The following RBFOX1 variants were observed in gnomAD, a reference collection of about 807,000 sequenced individuals.
The protein encoded by RBFOX1 is RNA binding protein fox-1 homolog 1.
In RBFOX1, 8 loss-of-function variants were observed where a neutral mutation model predicts 57.7. The ratio of observed to expected loss-of-function variants is 0.14; its 90% CI spans 0.08 to 0.25. The LOEUF is 0.25. RBFOX1 is among the 10% of genes least tolerant of loss of function. RBFOX1 has a pLI of 1.00. For synonymous variants in RBFOX1, 326 were observed against 222.4 expected, an observed-to-expected ratio of 1.47 and a Z score of -4.15; for missense variants, 611 against 548.5, an observed-to-expected ratio of 1.11 and a Z score of -1.14.
At chr16:7,443,094 C>T (rs1050954882) in intron 4 of RBFOX1, among the ~76,000 whole-genome samples, 7 of 152,198 alleles carry the variant, frequency 4.6e-5, no homozygotes, top group African/African-American at 1.7e-4. Flanking sequence ...CACGAGAACA[C>T]TCTTACCAAG....
intron 3 of RBFOX1, among the ~76,000 whole-genome samples, chr16:6,892,843 G>C (rs9940616): frequency 0.79 from 112,387 of 142,158 alleles, 45,030 homozygotes; most frequent in African/African-American, 0.94. Flanking sequence ...GCTTCAGGGT[G>C]TTCTGTGCCC....
At chr16:6,660,689 A>G (rs1325906516) in intron 3 of RBFOX1, among the ~76,000 whole-genome samples, 1 of 152,230 alleles carries the variant, frequency 6.6e-6, no homozygotes, top group Non-Finnish European at 1.5e-5. Context: ...GGCTTGAGAA[A>G]TTCATAATAC....
Position 6,623,180 on chromosome 16 carries a change from A to G in RBFOX1, c.-63-31423A>G, listed in dbSNP as rs1033338098. Among the ~76,000 whole-genome samples the G allele has an allele frequency of 1.1e-4, 17 of 152,270 alleles. 1 individual carries two copies. In the East Asian group the frequency reaches 1.5e-3, roughly 14 times the overall value. ...CAGAAGCTTACATTGTAGTAAGGCA[A>G]TATCAAAACATGCATGCAAATGAAT... On this transcript the variant is annotated intron_variant, in intron 2 of 15. Transcript: ENST00000550418.
At chr16:6,925,821 C>G (rs1407748719) in intron 3 of RBFOX1, among the ~76,000 whole-genome samples, 1 of 151,794 alleles carries the variant, frequency 6.6e-6, no homozygotes, top group African/African-American at 2.4e-5. Context: ...GCGAAATTAC[C>G]TTTGGTGAGT....
At chr16:6,017,965 G>C (rs1596413455), upstream of RBFOX1, among the ~76,000 whole-genome samples, 1 of 152,182 alleles carries the variant, frequency 6.6e-6, no homozygotes, top group South Asian at 2.1e-4. Context: ...AGTGCTCAAG[G>C]CTGGAATCTG....
chr16:6,476,958 C>G (rs1403952024), intron 2 of RBFOX1, among the ~76,000 whole-genome samples: 1 of 152,164 alleles, frequency 6.6e-6, no homozygotes, highest in Non-Finnish European at 1.5e-5. Flanking sequence ...CAAGGAACCA[C>G]TTTTTCTGCT....
intron 3 of RBFOX1, among the ~76,000 whole-genome samples, chr16:6,750,889 C>T (rs111471638): frequency 2.6e-4 from 39 of 152,200 alleles, no homozygotes; most frequent in Non-Finnish European, 5.1e-4. Context: ...GTAGAAGATA[C>T]AGTAGTGTTT....
intron 1 of RBFOX1, among the ~76,000 whole-genome samples, chr16:6,264,497 C>T (rs2097721121): frequency 6.6e-6 from 1 of 152,190 alleles, no homozygotes; most frequent in African/African-American, 2.4e-5. Context: ...GATCAGATTG[C>T]ATCAGGCCCA....
intron 1 of RBFOX1, among the ~76,000 whole-genome samples, chr16:6,209,394 A>T (rs1006313272): frequency 1.0e-4 from 1 of 9,564 alleles, no homozygotes; most frequent in Admixed American, 2.9e-3. Context: ...ATAATAAACA[A>T]AGAATGTACA....
chr16:5,526,743 C>T (rs531780386), intron 2 of RBFOX1, among the ~76,000 whole-genome samples: 3 of 152,186 alleles, frequency 2.0e-5, no homozygotes, highest in Admixed American at 2.0e-4. Flanking sequence ...CCTGCATCCA[C>T]GTACATTCTG....
chr16:6,572,089 T>A (rs2097352662), intron 2 of RBFOX1, among the ~76,000 whole-genome samples: 1 of 152,188 alleles, frequency 6.6e-6, no homozygotes, highest in Admixed American at 6.5e-5. Flanking sequence ...AATACACACT[T>A]AGCAAGCGTT....
chr16:6,087,186 A>G (rs888753736), intron 1 of RBFOX1, among the ~76,000 whole-genome samples: 1 of 152,234 alleles, frequency 6.6e-6, no homozygotes, highest in Non-Finnish European at 1.5e-5. Flanking sequence ...TTATGACGTT[A>G]GAACGCCTGC....
chr16:5,283,694 C>A (rs2063326023), intron 1 of RBFOX1, among the ~76,000 whole-genome samples: 1 of 152,162 alleles, frequency 6.6e-6, no homozygotes, highest in Admixed American at 6.5e-5. Context: ...CAATTTTCTC[C>A]CATTTGGAAT....
At chr16:6,544,173 A>C (rs546824025) in intron 2 of RBFOX1, among the ~76,000 whole-genome samples, 62 of 152,260 alleles carry the variant, frequency 4.1e-4, no homozygotes, top group African/African-American at 1.4e-3. Flanking sequence ...TGCTCATCCC[A>C]GGGGCAACAG....
chr16:6,575,308 A>G (rs180966197), intron 2 of RBFOX1, among the ~76,000 whole-genome samples: 1 of 152,088 alleles, frequency 6.6e-6, no homozygotes, highest in Non-Finnish European at 1.5e-5. Context: ...TGGTCCTTGT[A>G]TATTTATATT....
chr16:5,778,939 A>AT (rs969022082), intron 3 of RBFOX1, among the ~76,000 whole-genome samples: 10 of 151,990 alleles, frequency 6.6e-5, no homozygotes, highest in Admixed American at 3.9e-4. Flanking sequence ...AAAGCACTCA[A>AT]TTTTTTTTAT....
chr16:5,364,512 C>G (rs1352205372), intron 1 of RBFOX1, among the ~76,000 whole-genome samples: 1 of 152,208 alleles, frequency 6.6e-6, no homozygotes, highest in Non-Finnish European at 1.5e-5. Context: ...TGCAAGGGAT[C>G]TGGCAATAGG....
At chr16:6,160,333 G>A (rs1030559519) in intron 1 of RBFOX1, among the ~76,000 whole-genome samples, 4 of 152,072 alleles carry the variant, frequency 2.6e-5, no homozygotes, top group African/African-American at 9.7e-5. Flanking sequence ...TAGTAAAGTG[G>A]TTATGATAGA....
chr16:6,196,337 G>C (rs1355847021), intron 1 of RBFOX1, among the ~76,000 whole-genome samples: 3 of 152,154 alleles, frequency 2.0e-5, no homozygotes, highest in Non-Finnish European at 2.9e-5. Flanking sequence ...TATTTTGAGC[G>C]AGTGACCTAA....
Sources: gnomAD v4.1 joint callset for allele counts (sites outside exome capture counted in the v4.1 genomes callset) on GRCh38, gnomAD v4.1.1 for gene constraint, MANE v1.5 for transcripts, NCBI Gene and HGNC (gene_info 2026-07-23, HGNC 2026-07-21) for gene names.